HDX: variants seen among roughly 807,000 people sequenced by gnomAD.
HDX encodes highly divergent homeobox, also known as chromosome X open reading frame 43.
Under a neutral mutation model 45.2 loss-of-function variants are expected in HDX, and 19 were observed. The observed-to-expected ratio is 0.42, with a 90% confidence interval of 0.29 to 0.62. HDX has a LOEUF of 0.62. Among genes scored for constraint, HDX ranks in the 20% least tolerant of loss-of-function variants. The pLI, the probability that HDX is intolerant of heterozygous loss-of-function variation, is 0.20. For synonymous variants in HDX, 188 were observed against 172.8 expected (o/e 1.09, Z -0.69); for missense variants, 532 against 493.9 (o/e 1.08, Z -0.73).
chrX:84,394,450 G>T (rs989614686), intron 5 of HDX, among the ~76,000 whole-genome samples: 9 of 111,598 alleles, frequency 8.1e-5, no homozygotes, highest in African/African-American at 2.9e-4. Flanking sequence ...TTTATGTTTC[G>T]ATAAGAAGAA....
chrX:84,417,218 G>GAAAAGAAAGAAAGAA (rs61537095), intron 5 of HDX, among the ~76,000 whole-genome samples: 1 of 100,251 alleles, frequency 1.0e-5, no homozygotes, highest in Non-Finnish European at 2.0e-5. Flanking sequence ...AAAAAAAAGA[G>GAAAAGAAAGAAAGAA]AGAAAGAAAG....
At chrX:84,447,236 C>A (rs960595522) in intron 4 of HDX, among the ~76,000 whole-genome samples, 10 of 111,783 alleles carry the variant, frequency 8.9e-5, no homozygotes, top group Non-Finnish European at 1.7e-4. Context: ...ATCTGGTATT[C>A]ACCTCCTCCA....
At chrX:84,379,305 C>T (rs1460978186) in intron 5 of HDX, among the ~76,000 whole-genome samples, 5 of 110,410 alleles carry the variant, frequency 4.5e-5, no homozygotes, top group African/African-American at 1.6e-4. Flanking sequence ...CAACACCCCA[C>T]TTTCATCATT....
chrX:84,366,938 G>C lies in HDX; in HGVS notation c.1306-5326C>G, dbSNP rs377319564. ...CAATACCATTCAGGACATAGGCATG[G>C]GCAAAGACTTCATGACTAAAACACC... On this transcript the variant is annotated intron_variant, in intron 5 of 10. Coordinates refer to ENST00000373177, the MANE Select transcript of HDX (RefSeq NM_001177479.2). Among the ~76,000 whole-genome samples the C allele has an allele frequency of 1.2e-4, 13 of 111,580 alleles. No homozygotes were observed. In the East Asian group the frequency reaches 1.4e-3, roughly 12 times the overall value.
At chrX:84,485,949 G>T (rs1358444089) in intron 2 of HDX, among the ~76,000 whole-genome samples, 1 of 111,285 alleles carries the variant, frequency 9.0e-6, no homozygotes, top group Non-Finnish European at 1.9e-5. Flanking sequence ...ATATAAAGTG[G>T]ATTTCTTTTA....
intron 5 of HDX, among the ~76,000 whole-genome samples, chrX:84,365,219 C>T (rs1197262456): frequency 9.0e-6 from 1 of 111,146 alleles, no homozygotes; most frequent in Non-Finnish European, 1.9e-5. Context: ...GCACTCCACA[C>T]TTTAGTTACA....
chrX:84,447,563 C>T (rs1225687358), intron 4 of HDX, among the ~76,000 whole-genome samples: 1 of 111,080 alleles, frequency 9.0e-6, no homozygotes, highest in African/African-American at 3.3e-5. Flanking sequence ...CAGCATTGCT[C>T]CAGAGAGGGA....
intron 5 of HDX, among the ~76,000 whole-genome samples, chrX:84,431,921 T>C (rs2039514961): frequency 9.0e-6 from 1 of 111,570 alleles, no homozygotes; most frequent in Non-Finnish European, 1.9e-5. Flanking sequence ...CAGTCCTATG[T>C]ACAGAATATT....
chrX:84,422,420 T>A (rs1051779181), intron 5 of HDX, among the ~76,000 whole-genome samples: 1 of 109,890 alleles, frequency 9.1e-6, no homozygotes, highest in Admixed American at 9.7e-5. Flanking sequence ...AGAAAAAAAA[T>A]CTTCAAACAA....
intron 2 of HDX, among the ~76,000 whole-genome samples, chrX:84,475,759 G>A (rs2040536971): frequency 8.9e-6 from 1 of 111,832 alleles, no homozygotes; most frequent in Admixed American, 9.5e-5. Flanking sequence ...GTAGCCATAC[G>A]TGATCAATTA....
chrX:84,424,265 C>T (rs1452383888), intron 5 of HDX, among the ~76,000 whole-genome samples: 2 of 110,684 alleles, frequency 1.8e-5, no homozygotes, highest in Admixed American at 1.9e-4. Context: ...AGAACTGAAA[C>T]ATCTTTACAA....
chrX:84,360,405 CAAT>C (rs985300156), intron 6 of HDX, among the ~76,000 whole-genome samples: 37 of 111,814 alleles, frequency 3.3e-4, no homozygotes, highest in South Asian at 7.4e-4. Context: ...AATTTTTAAA[CAAT>C]GTTATTGAGA....
At chrX:84,429,525 T>C (rs1184942046) in intron 5 of HDX, among the ~76,000 whole-genome samples, 1 of 110,930 alleles carries the variant, frequency 9.0e-6, no homozygotes, top group Non-Finnish European at 1.9e-5. Context: ...TGAACGTGTA[T>C]CCTGTAATTT....
At chrX:84,492,434 A>G (rs2040909772) in intron 1 of HDX, among the ~76,000 whole-genome samples, 1 of 110,694 alleles carries the variant, frequency 9.0e-6, no homozygotes, top group Non-Finnish European at 1.9e-5. Flanking sequence ...CCTCCATCCT[A>G]TTAAGCTCTT....
chrX:84,346,797 T>C (rs775266833), intron 6 of HDX, among the ~76,000 whole-genome samples: 5 of 111,675 alleles, frequency 4.5e-5, no homozygotes, highest in African/African-American at 1.3e-4. Flanking sequence ...GAAGAAGGCA[T>C]AGAGGAGAAT....
chrX:84,452,064 C>T (rs1381989398), intron 4 of HDX, among the ~76,000 whole-genome samples: 1 of 111,354 alleles, frequency 9.0e-6, no homozygotes, highest in Non-Finnish European at 1.9e-5. Context: ...TAACATCATA[C>T]TGAATGATAA....
Position 84,402,771 on chromosome X carries a change from T to C in HDX, c.1305+37761A>G, listed in dbSNP as rs192908791. On this transcript the variant is annotated intron_variant, in intron 5 of 10. Coordinates refer to ENST00000373177, the MANE Select transcript of HDX (RefSeq NM_001177479.2). The stretch of plus-strand genomic sequence containing the variant: ...AGAAACTGCCAACAGTCTTCCAAAG[T>C]GGCTGTACTATTTTATATTCCCACG... 8.5e-3 allele frequency among the ~76,000 whole-genome samples: 951 copies of C among 111,749 alleles called. 10 individuals carry two copies. Among genetic ancestry groups the C allele is most frequent in the African/African-American group, 0.03 (912 of 30,848 alleles).
chrX:84,453,018 A>G (rs1365060184), intron 4 of HDX, among the ~76,000 whole-genome samples: 4 of 112,366 alleles, frequency 3.6e-5, no homozygotes, highest in Non-Finnish European at 7.5e-5. Flanking sequence ...AATAGAGTGG[A>G]TAGAAAACCT....
In HDX at chrX:84,384,642, A is replaced by C. The variant is rs747201429; in HGVS notation, c.1306-23030T>G. The stretch of plus-strand genomic sequence containing the variant: ...AGGGTATTTCCTAAGTTTTCCTGTA[A>C]GATTTTTGTAGTTTTCAGTCTTATA... On this transcript the variant is annotated intron_variant, in intron 5 of 10. Coordinates refer to ENST00000373177, the MANE Select transcript of HDX (RefSeq NM_001177479.2). 5.5e-5 allele frequency among the ~76,000 whole-genome samples: 6 copies of C among 109,668 alleles called. No homozygotes were observed. The Admixed American group carries it at 5.8e-4, about 11-fold the overall frequency.
Sources: gnomAD v4.1 joint callset for allele counts (sites outside exome capture counted in the v4.1 genomes callset) on GRCh38, gnomAD v4.1.1 for gene constraint, MANE v1.5 for transcripts, NCBI Gene and HGNC (gene_info 2026-07-23, HGNC 2026-07-21) for gene names.